Variants in KIF2A observed in about 807,000 individuals in gnomAD.
The protein encoded by KIF2A is kinesin-like protein KIF2A.
A neutral mutation model predicts 100.2 loss-of-function variants in KIF2A; 22 were observed. The observed-to-expected ratio is 0.22, with a 90% CI of 0.16 to 0.31. The LOEUF is 0.31. Ranked by LOEUF, KIF2A falls within the 10% of genes least tolerant of loss-of-function variation. The pLI, the probability that KIF2A is intolerant of heterozygous loss-of-function variation, is 1.00. For synonymous variants in KIF2A, 268 were observed against 285.9 expected (o/e 0.94, Z 0.63); for missense variants, 495 against 898.7 (o/e 0.55, Z 5.74).
chr5:62,321,495 G>A (rs1180787875), intron 1 of KIF2A, among the ~76,000 whole-genome samples: 4 of 152,014 alleles, frequency 2.6e-5, no homozygotes, highest in Non-Finnish European at 5.9e-5. Flanking sequence ...ATTTTGATTT[G>A]CATTTCCCTA....
intron 6 of KIF2A, 91 bp downstream of exon 6, chr5:62,353,466 G>T (rs1268896743): frequency 5.5e-6 from 3 of 544,126 alleles, no homozygotes; most frequent in Non-Finnish European, 6.1e-6. Context: ...AATAATTAAG[G>T]CATTTTTTTT....
At position 62,306,594 on chromosome 5, in the gene KIF2A, A is replaced by G. The variant is rs1045962668; in HGVS notation, c.64+58A>G. ...CGGCCCCGTGTTCGGGTGTGCACGG[A>G]GGGGACGCGGGCGCCGGCCGCCTCA... On this transcript the variant is annotated intron_variant, in intron 1 of 20. Coordinates refer to ENST00000407818, the MANE Select transcript of KIF2A (RefSeq NM_001098511.3). The G allele has an allele frequency of 4.2e-6, 6 of 1,412,846 alleles. No individual in the cohort carries two copies. The African/African-American group carries it at 8.9e-5, about 21-fold the overall frequency. The allele number at this position is 1,412,846 out of a possible 1,614,324, so 87.5% of individuals were successfully genotyped here.
chr5:62,377,665 A>G lies in KIF2A; in HGVS notation c.1916A>G (p.Glu639Gly). 1 of 1,504,960 alleles carries G rather than the reference A, an allele frequency of 6.6e-7. No homozygotes were observed. Among genetic ancestry groups the G allele is most frequent in the Non-Finnish European group, 9.0e-7 (1 of 1,111,426 alleles). The allele number at this position is 1,504,960 out of a possible 1,614,324, so 93.2% of individuals were successfully genotyped here. A position where few individuals can be genotyped will look rare whatever the true frequency, so the allele number is the denominator to read the frequency against. Reference sequence around the variant, plus strand: ...CTTAACTATTTTTATTTTAAGGAAGAAGAAGTCTCTCCACAGTTGTTTACT... The same window carrying G: ...CTTAACTATTTTTATTTTAAGGAAGGAGAAGTCTCTCCACAGTTGTTTACT... ...DLKLLCEQNE[E>G]EVSPQLFTFH... The change falls in exon 19 of 21, where the codon GAA (glutamate) becomes GGA (glycine). Residue 639 changes from glutamate to glycine, a missense_variant. Physicochemically the swap from Glu to Gly is moderately conservative, Grantham distance 98. This residue lies in a region of KIF2A where 9 missense variants were observed against 45.2 expected (regional missense o/e 0.20). Coordinates refer to ENST00000407818, the MANE Select transcript of KIF2A (RefSeq NM_001098511.3).
chr5:62,342,878 G>A (rs1461204579), intron 1 of KIF2A, among the ~76,000 whole-genome samples: 3 of 151,370 alleles, frequency 2.0e-5, no homozygotes, highest in Non-Finnish European at 1.5e-5. Context: ...TCAGCCTCCT[G>A]AGTAGCTGGG....
At chr5:62,311,140 T>TGATCTA (rs1745535055) in intron 1 of KIF2A, among the ~76,000 whole-genome samples, 1 of 152,234 alleles carries the variant, frequency 6.6e-6, no homozygotes, top group Admixed American at 6.5e-5. Flanking sequence ...TCACCATAAG[T>TGATCTA]GACTTATCTA....
intron 1 of KIF2A, chr5:62,308,454 A>C (rs1745413587): frequency 2.2e-6 from 2 of 919,424 alleles, no homozygotes; most frequent in Non-Finnish European, 3.4e-6. Flanking sequence ...TCTCGCGTTC[A>C]TTGCAGCATT....
At chr5:62,351,118 G>C (rs1231869808) in intron 4 of KIF2A, among the ~76,000 whole-genome samples, 1 of 151,870 alleles carries the variant, frequency 6.6e-6, no homozygotes, top group African/African-American at 2.4e-5. Context: ...TGTAGTCTCA[G>C]CTACTCGGGA....
chr5:62,383,380 C>A (rs1248973568), intron 20 of KIF2A, among the ~76,000 whole-genome samples: 3 of 151,202 alleles, frequency 2.0e-5, no homozygotes, highest in African/African-American at 7.3e-5. Context: ...GTAGCTGGGA[C>A]TACAGGCGCC....
chr5:62,327,400 A>G (rs997123810), intron 1 of KIF2A, among the ~76,000 whole-genome samples: 2 of 152,098 alleles, frequency 1.3e-5, no homozygotes, highest in Non-Finnish European at 2.9e-5. Flanking sequence ...AAACCATTGT[A>G]ATATCTAAGA....
chr5:62,377,958 G>T (rs1269026557), intron 19 of KIF2A, among the ~76,000 whole-genome samples, 196 bp downstream of exon 19: 1 of 152,164 alleles, frequency 6.6e-6, no homozygotes, highest in Non-Finnish European at 1.5e-5. Flanking sequence ...TTGCACCATG[G>T]TGAAACGTTC....
chr5:62,353,187 TGTGTGGTG>T, intron 5 of KIF2A, 80 bp from the exon 6 acceptor site: 1 of 617,056 alleles, frequency 1.6e-6, no homozygotes, highest in Non-Finnish European at 2.8e-6. Flanking sequence ...CTTTTATGTG[TGTGTGGTG>T]AAGTTATACA....
intron 1 of KIF2A, chr5:62,306,854 C>T (rs879763961): frequency 8.2e-6 from 3 of 364,760 alleles, no homozygotes; most frequent in Middle Eastern, 7.2e-4. Context: ...TCCAGCCCCC[C>T]CCCGGGGACA....
intron 1 of KIF2A, among the ~76,000 whole-genome samples, chr5:62,310,070 C>CTT (rs5868308): frequency 0.27 from 38,579 of 142,122 alleles, 5,809 homozygotes; most frequent in Middle Eastern, 0.32. Flanking sequence ...ACTAATAATT[C>CTT]TTTTTTTTTT....
At chr5:62,313,527 G>T (rs1344234041) in intron 1 of KIF2A, among the ~76,000 whole-genome samples, 3 of 152,022 alleles carry the variant, frequency 2.0e-5, no homozygotes, top group East Asian at 3.9e-4. Context: ...TAATTTTTTT[G>T]TATTTTTAGT....
chr5:62,331,372 T>C (rs1434392791), intron 1 of KIF2A, among the ~76,000 whole-genome samples: 1 of 151,836 alleles, frequency 6.6e-6, no homozygotes, highest in African/African-American at 2.4e-5. Flanking sequence ...GATCGTGCCA[T>C]TGCACTCCAG....
chr5:62,362,873 C>T (rs1210760857), intron 12 of KIF2A, among the ~76,000 whole-genome samples: 1 of 152,208 alleles, frequency 6.6e-6, no homozygotes, highest in African/African-American at 2.4e-5. Flanking sequence ...GTCACCCATG[C>T]TGGAGTGCAG....
In KIF2A at chr5:62,306,546, G is replaced by T. The variant is rs1579986885; in HGVS notation, c.64+10G>T. On this transcript the variant is annotated intron_variant, in intron 1 of 20. Coordinates refer to ENST00000407818, the MANE Select transcript of KIF2A (RefSeq NM_001098511.3). Reference sequence around the variant, plus strand: ...ATCAAGCGCAGCGATGGTGAGCCGCGCTGCCAGCCCCGCTGGCCCGCTCGG... The same window carrying T: ...ATCAAGCGCAGCGATGGTGAGCCGCTCTGCCAGCCCCGCTGGCCCGCTCGG... 1 of 1,544,502 alleles carries T rather than the reference G, an allele frequency of 6.5e-7. No homozygotes were observed. Among genetic ancestry groups the T allele is most frequent in the South Asian group, 1.2e-5 (1 of 83,146 alleles).
rs1270386702 is a variant in KIF2A, at chr5:62,387,749, AT to A, written c.*2181del. On this transcript the variant is annotated 3_prime_UTR_variant, in exon 21 of 21. Coordinates refer to ENST00000407818, the MANE Select transcript of KIF2A (RefSeq NM_001098511.3). ...TAGTTTTGTGAAATTAAACAAAAAA[AT>A]CTACTCTTAATGTATATTATTTCAT... is the stretch of plus-strand genomic sequence containing the variant. The A allele has an allele frequency of 7.7e-6, 1 of 129,538 alleles. No homozygotes were observed. The highest frequency in any genetic ancestry group is 1.6e-5 in the Non-Finnish European group (1 of 62,054). 8.0% of individuals were successfully genotyped at this position (129,538 alleles called of 1,614,324 possible). A position where few individuals can be genotyped will look rare whatever the true frequency, so the allele number is the denominator to read the frequency against.
intron 1 of KIF2A, among the ~76,000 whole-genome samples, chr5:62,345,037 G>C (rs1747486446): frequency 6.6e-6 from 1 of 152,144 alleles, no homozygotes; most frequent in Non-Finnish European, 1.5e-5. Context: ...CCTGAGGCCA[G>C]GAGTTTGAGA....
Sources: gnomAD v4.1 joint callset for allele counts (sites outside exome capture counted in the v4.1 genomes callset) on GRCh38, gnomAD v4.1.1 for gene constraint, gnomAD v4.1.1 regional missense constraint, MANE v1.5 for transcripts, NCBI Gene and HGNC (gene_info 2026-07-23, HGNC 2026-07-21) for gene names.